ESD: variants seen among roughly 807,000 people sequenced by gnomAD.
The protein encoded by ESD is S-formylglutathione hydrolase.
ESD carries 34 observed loss-of-function variants against 38.1 expected under a neutral mutation model. That is an observed-to-expected ratio of 0.89 (90% CI 0.68 to 1.19). The LOEUF (loss-of-function observed/expected upper bound fraction) is 1.19. Among genes scored for constraint, ESD ranks in the 50% most tolerant of loss-of-function variants. The pLI is 0.00. For missense variants in ESD, 334 were observed against 327.2 expected, an observed-to-expected ratio of 1.02 and a Z score of -0.16; for synonymous variants, 97 against 107.0, an observed-to-expected ratio of 0.91 and a Z score of 0.58.
chr13:46,771,513 T>G lies in ESD; in HGVS notation c.769-17A>C. ...ATCATAACCCTAGAAGATAAAGAGA[T>G]GATAAGACATTTATCTACCATTCAG... On this transcript the variant is annotated splice_polypyrimidine_tract_variant and intron_variant, in intron 9 of 9. Coordinates refer to ENST00000378720, the MANE Select transcript of ESD (RefSeq NM_001984.2). 6.7e-7 allele frequency: 1 copy of G among 1,483,048 alleles called. No homozygotes were observed. The highest frequency in any genetic ancestry group is 1.2e-5 in the South Asian group (1 of 86,562). The allele number at this position is 1,483,048 out of a possible 1,614,324, so 91.9% of individuals were successfully genotyped here. A position where few individuals can be genotyped will look rare whatever the true frequency, so the allele number is the denominator to read the frequency against.
intron 1 of ESD, among the ~76,000 whole-genome samples, chr13:46,796,263 C>CT (rs912503047): frequency 3.3e-5 from 5 of 152,200 alleles, no homozygotes; most frequent in African/African-American, 1.2e-4. Context: ...GGTTCAAACC[C>CT]TGACTTCACC....
In ESD at chr13:46,779,986, C is replaced by G. The variant is rs1874943474; in HGVS notation, c.549G>C (p.Trp183Cys). The change falls in exon 8 of 10, where the codon TGG (tryptophan) becomes TGC (cysteine). Residue 183 changes from tryptophan to cysteine, a missense_variant. By Grantham distance (215) the Trp-to-Cys change is radical (BLOSUM62 -2). Transcript: ENST00000378720. ...AATATCCACTAAAGGCTTTTTTGCC[C>G]CAGGGACAGAGTACAGGGTTGCAAA... ...APICNPVLCP[W>C]GKKAFSGYLG... 2 of 1,604,202 alleles carry G rather than the reference C, an allele frequency of 1.2e-6. No individual in the cohort carries two copies. Among genetic ancestry groups the G allele is most frequent in the African/African-American group, 2.7e-5 (2 of 74,098 alleles).
At chr13:46,780,327 C>T (rs1461018365) in intron 7 of ESD, among the ~76,000 whole-genome samples, 1 of 151,680 alleles carries the variant, frequency 6.6e-6, no homozygotes, top group Non-Finnish European at 1.5e-5. Flanking sequence ...CTATGTTCAG[C>T]GTTTCTGCTT....
At chr13:46,773,099 T>C (rs1352010704) in intron 9 of ESD, among the ~76,000 whole-genome samples, 1 of 152,226 alleles carries the variant, frequency 6.6e-6, no homozygotes, top group Non-Finnish European at 1.5e-5. Flanking sequence ...CAGTATTCCA[T>C]GGTGCATATG....
In ESD at chr13:46,771,441, T is replaced by C. The variant is rs1052401728; in HGVS notation, c.824A>G (p.His275Arg). 2 of 1,607,210 alleles carry C rather than the reference T, an allele frequency of 1.2e-6. No individual in the cohort carries two copies. The highest frequency in any genetic ancestry group is 1.7e-6 in the Non-Finnish European group (2 of 1,174,820). ...TCATGCATTCAGGTATTTAGCATGA[T>C]GTCTGATGTGGTCAGTAATAAAGGT... is the stretch of plus-strand genomic sequence containing the variant. ...IATFITDHIR[H>R]HAKYLNA The change falls in exon 10 of 10, where the codon CAT becomes CGT. Residue 275 changes from histidine (H) to arginine (R), a missense_variant. His to Arg is a conservative substitution (Grantham distance 29). Coordinates refer to ENST00000378720, the MANE Select transcript of ESD (RefSeq NM_001984.2).
intron 4 of ESD, 33 bp downstream of exon 4, chr13:46,786,988 C>A: frequency 7.6e-7 from 1 of 1,324,282 alleles, no homozygotes; most frequent in Non-Finnish European, 1.0e-6. Flanking sequence ...AAAATAGAAA[C>A]GACTTTATAA....
Position 46,782,666 on chromosome 13 carries a change from C to T in ESD, c.381+1G>A. 1 of 1,610,972 alleles carries T rather than the reference C, an allele frequency of 6.2e-7. No homozygotes were observed. Among genetic ancestry groups the T allele is most frequent in the East Asian group, 2.2e-5 (1 of 44,826 alleles). Reference sequence around the variant, plus strand: ...AATAATTACAATACAAATTAAATTACCTCCTCTGTGACATAAGAGTACATT... The same window carrying T: ...AATAATTACAATACAAATTAAATTATCTCCTCTGTGACATAAGAGTACATT... On this transcript the variant is annotated splice_donor_variant, in intron 6 of 9. Transcript: ENST00000378720. LOFTEE classifies it high-confidence loss of function.
chr13:46,796,902 G>C (rs922164281), intron 1 of ESD, among the ~76,000 whole-genome samples: 5 of 152,262 alleles, frequency 3.3e-5, no homozygotes, highest in African/African-American at 1.2e-4. Context: ...AAAGGGATTA[G>C]AGGCGAGGCT....
chr13:46,784,224 A>T, intron 5 of ESD, 28 bp downstream of exon 5: 1 of 1,547,506 alleles, frequency 6.5e-7, no homozygotes, highest in Non-Finnish European at 8.9e-7. Context: ...AGATTTTTAC[A>T]AAGGATATCT....
At chr13:46,797,481 T>TA (rs1230965751), upstream of ESD, among the ~76,000 whole-genome samples, 2 of 152,228 alleles carry the variant, frequency 1.3e-5, no homozygotes, top group Non-Finnish European at 2.9e-5. Context: ...GAGGCATTAA[T>TA]AAACTTGAGA....
chr13:46,778,202 C>A (rs1593405070), intron 8 of ESD, among the ~76,000 whole-genome samples: 1 of 151,828 alleles, frequency 6.6e-6, no homozygotes. Flanking sequence ...AACATCATCT[C>A]AAATTTATTC....
chr13:46,777,686 T>C (rs985400919), intron 8 of ESD, 63 bp from the exon 9 acceptor site: 2 of 1,252,670 alleles, frequency 1.6e-6, no homozygotes, highest in African/African-American at 3.0e-5. Context: ...TATACTATAC[T>C]AGTACCAAAC....
At chr13:46,771,525 T>A in intron 9 of ESD, 29 bp from the exon 10 acceptor site, 1 of 1,341,080 alleles carries the variant, frequency 7.5e-7, no homozygotes, top group Non-Finnish European at 1.1e-6. Flanking sequence ...ATAAGACATT[T>A]ATCTACCATT....
At position 46,781,630 on chromosome 13, in the gene ESD, A is replaced by G. The variant is rs1294357119; in HGVS notation, c.382-15T>C. 1 of 1,598,132 alleles carries G rather than the reference A, an allele frequency of 6.3e-7. No individual in the cohort carries two copies. The highest frequency in any genetic ancestry group is 8.6e-7 in the Non-Finnish European group (1 of 1,169,482). ...AGTTGGGGAAGCTAGAAAAAATTTA[A>G]TAGTGTGACAAAAGATATCAAAGAA... On this transcript the variant is annotated splice_polypyrimidine_tract_variant and intron_variant, in intron 6 of 9. Coordinates refer to ENST00000378720, the MANE Select transcript of ESD (RefSeq NM_001984.2).
At chr13:46,796,931 T>C (rs948288902) in intron 1 of ESD, among the ~76,000 whole-genome samples, 174 bp downstream of exon 1, 1 of 152,156 alleles carries the variant, frequency 6.6e-6, no homozygotes, top group African/African-American at 2.4e-5. Flanking sequence ...CGGGAAAAGG[T>C]CCTTGGCCTC....
At chr13:46,777,952 T>C (rs1593404918) in intron 8 of ESD, among the ~76,000 whole-genome samples, 1 of 151,820 alleles carries the variant, frequency 6.6e-6, no homozygotes, top group East Asian at 1.9e-4. Flanking sequence ...AGCAAGAACA[T>C]GATTTTTTTT....
At chr13:46,787,859 ATAAT>A (rs957147542) in intron 3 of ESD, among the ~76,000 whole-genome samples, 5 of 151,972 alleles carry the variant, frequency 3.3e-5, no homozygotes, top group African/African-American at 1.2e-4. Context: ...TATTCCAGAG[ATAAT>A]TAATTTACCT....
Position 46,772,949 on chromosome 13 carries a change from G to A in ESD, c.769-1453C>T, listed in dbSNP as rs377711414. Among the ~76,000 whole-genome samples, 82 of 152,272 alleles carry A rather than the reference G, an allele frequency of 5.4e-4. 1 individual carries two copies. The South Asian group carries it at 0.016, about 30-fold the overall frequency. On this transcript the variant is annotated intron_variant, in intron 9 of 9. Coordinates refer to ENST00000378720, the MANE Select transcript of ESD (RefSeq NM_001984.2). ...TCCGTCCACCTTAGCCTCCCAAAGT[G>A]CTGGGATTACAGGCGTGAGCCACTG...
At chr13:46,776,689 T>C (rs1227582007) in intron 9 of ESD, 1 of 152,104 alleles carries the variant, frequency 6.6e-6, no homozygotes, top group Non-Finnish European at 1.5e-5. Context: ...GATTTGAACA[T>C]TTACCATCGT....
Sources: allele counts gnomAD v4.1 joint callset (sites outside exome capture counted in the v4.1 genomes callset), GRCh38; gene constraint gnomAD v4.1.1; transcripts MANE v1.5; gene names NCBI Gene and HGNC (gene_info 2026-07-23, HGNC 2026-07-21).